The following SCAI variants were observed in gnomAD, a reference collection of about 807,000 sequenced individuals.
The protein encoded by SCAI is protein SCAI.
SCAI carries 24 observed loss-of-function variants against 92.2 expected under a neutral mutation model. The observed-to-expected ratio is 0.26, with a 90% CI of 0.19 to 0.37. SCAI has a LOEUF of 0.37. Among genes scored for constraint, SCAI ranks in the 10% least tolerant of loss-of-function variants. The pLI, the probability that SCAI is intolerant of heterozygous loss-of-function variation, is 1.00. For synonymous variants in SCAI, 261 were observed against 258.6 expected, an observed-to-expected ratio of 1.01 and a Z score of -0.09; for missense variants, 450 against 736.2, an observed-to-expected ratio of 0.61 and a Z score of 4.50.
At chr9:125,090,766 C>T (rs927936619) in intron 2 of SCAI, among the ~76,000 whole-genome samples, 2 of 152,158 alleles carry the variant, frequency 1.3e-5, no homozygotes, top group Non-Finnish European at 2.9e-5. Flanking sequence ...TGCCACCATG[C>T]TTGGCCTCAG....
chr9:125,042,854 C>T (rs1418956804), intron 3 of SCAI, among the ~76,000 whole-genome samples: 1 of 139,144 alleles, frequency 7.2e-6, no homozygotes, highest in African/African-American at 2.7e-5. Flanking sequence ...ATTCTGCTCC[C>T]TGGCTTTTTT....
chr9:125,016,969 A>T (rs915937383), intron 9 of SCAI, among the ~76,000 whole-genome samples: 31 of 152,328 alleles, frequency 2.0e-4, no homozygotes, highest in African/African-American at 7.0e-4. Context: ...ATGTTTAAAG[A>T]AAAGGAGAAA....
chr9:125,053,303 C>A (rs1833598812), intron 3 of SCAI, among the ~76,000 whole-genome samples: 1 of 152,072 alleles, frequency 6.6e-6, no homozygotes, highest in African/African-American at 2.4e-5. Context: ...CATTGCACTC[C>A]AGCCCGGACG....
rs1487369684 is a variant in SCAI, at chr9:124,946,333, T to C, written c.*6474A>G. On this transcript the variant is annotated 3_prime_UTR_variant, in exon 18 of 18. Transcript: ENST00000336505. The surrounding 1 kb of genome is among the most constrained non-coding windows in gnomAD (Gnocchi z 4.0). ...TTAATACTATAATTGAAAAGTCTTA[T>C]GAATAGTTGGCTGTTTTATTTAAAA... 2 of 152,220 alleles carry C rather than the reference T, an allele frequency of 1.3e-5. No individual in the cohort carries two copies. Among genetic ancestry groups the C allele is most frequent in the African/African-American group, 2.4e-5 (1 of 41,462 alleles). The allele number at this position is 152,220 out of a possible 1,614,324, so 9.4% of individuals were successfully genotyped here.
chr9:125,081,657 C>A (rs1834221470), intron 2 of SCAI, among the ~76,000 whole-genome samples: 1 of 152,184 alleles, frequency 6.6e-6, no homozygotes. Context: ...ACTGCAACCT[C>A]TGCCTCCCAA....
intron 17 of SCAI, among the ~76,000 whole-genome samples, chr9:124,969,107 T>C (rs893789701): frequency 6.6e-6 from 1 of 152,082 alleles, no homozygotes. Flanking sequence ...TACTCCTGGC[T>C]AATTTTAAAA....
chr9:125,032,187 A>AT (rs1251078533), intron 3 of SCAI, among the ~76,000 whole-genome samples: 6 of 79,804 alleles, frequency 7.5e-5, no homozygotes, highest in African/African-American at 3.6e-4. Context: ...ATATATATAT[A>AT]TATATATATT....
intron 2 of SCAI, among the ~76,000 whole-genome samples, chr9:125,086,894 T>C (rs553301266): frequency 1.3e-5 from 2 of 152,164 alleles, no homozygotes; most frequent in African/African-American, 2.4e-5. Context: ...AGGGTTATCA[T>C]GAAGATTAAG....
At chr9:125,120,685 T>G (rs1835139748) in intron 2 of SCAI, among the ~76,000 whole-genome samples, 1 of 151,604 alleles carries the variant, frequency 6.6e-6, no homozygotes, top group South Asian at 2.1e-4. Flanking sequence ...AGAACAAGAC[T>G]CCATCTCAAA....
chr9:124,966,969 A>AAAGCCTT (rs1831553947), intron 17 of SCAI, among the ~76,000 whole-genome samples: 1 of 151,762 alleles, frequency 6.6e-6, no homozygotes. Flanking sequence ...ACCCATTGGA[A>AAAGCCTT]AAGCCTTTGC....
chr9:125,039,015 G>A (rs1833258613), intron 3 of SCAI, among the ~76,000 whole-genome samples: 1 of 152,100 alleles, frequency 6.6e-6, no homozygotes, highest in South Asian at 2.1e-4. Context: ...TTTACTCATT[G>A]GTTTCATAGC....
chr9:125,037,637 G>A (rs542317860), intron 3 of SCAI, among the ~76,000 whole-genome samples: 34 of 152,120 alleles, frequency 2.2e-4, no homozygotes, highest in African/African-American at 6.7e-4. Context: ...TTTCTTGGCC[G>A]GGTACAGTGG....
intron 2 of SCAI, among the ~76,000 whole-genome samples, chr9:125,062,061 A>G (rs1215913877): frequency 6.6e-6 from 1 of 152,136 alleles, no homozygotes; most frequent in African/African-American, 2.4e-5. Flanking sequence ...TCCTTGCATT[A>G]TTCTGAAAGT....
intron 2 of SCAI, among the ~76,000 whole-genome samples, chr9:125,076,405 A>G (rs1834091211): frequency 6.6e-6 from 1 of 152,078 alleles, no homozygotes. Context: ...AGGCTGAGAT[A>G]GGAGAATCGC....
intron 9 of SCAI, among the ~76,000 whole-genome samples, chr9:125,005,348 A>G (rs1832481602): frequency 6.6e-6 from 1 of 151,886 alleles, no homozygotes; most frequent in African/African-American, 2.4e-5. Context: ...GTGTGTGTGT[A>G]TGTATGTGAG....
At chr9:125,089,585 C>T (rs1405650484) in intron 2 of SCAI, among the ~76,000 whole-genome samples, 4 of 152,178 alleles carry the variant, frequency 2.6e-5, no homozygotes, top group Admixed American at 6.5e-5. Flanking sequence ...CACTTCAGAC[C>T]TACAAAATCA....
chr9:125,114,603 A>C (rs1474423542), intron 2 of SCAI, among the ~76,000 whole-genome samples: 2 of 151,684 alleles, frequency 1.3e-5, no homozygotes, highest in African/African-American at 4.8e-5. Context: ...AACCTGAAGG[A>C]CCTTTTTTTT....
intron 9 of SCAI, among the ~76,000 whole-genome samples, chr9:125,013,199 TAG>T (rs1388882372): frequency 6.6e-6 from 1 of 150,952 alleles, no homozygotes; most frequent in Non-Finnish European, 1.5e-5. Context: ...CTGAAGGAAA[TAG>T]AGACACAAAA....
At position 125,036,125 on chromosome 9, in the gene SCAI, G is replaced by A. The variant is rs548948002; in HGVS notation, c.231-6386C>T. Among the ~76,000 whole-genome samples the A allele has an allele frequency of 4.6e-5, 7 of 151,940 alleles. No homozygotes were observed. In the South Asian group the frequency reaches 1.5e-3, roughly 32 times the overall value. On this transcript the variant is annotated intron_variant, in intron 3 of 17. Coordinates refer to ENST00000336505, the MANE Select transcript of SCAI (RefSeq NM_001144877.3). ...TCATTGCACCACTGCACTCCAGCCT[G>A]GGCAACAAAGGGAGCCCCTGTCTTA...
Sources: allele counts gnomAD v4.1 joint callset (sites outside exome capture counted in the v4.1 genomes callset), GRCh38; gene constraint gnomAD v4.1.1; non-coding constraint Gnocchi (gnomAD v3.1); transcripts MANE v1.5; gene names NCBI Gene and HGNC (gene_info 2026-07-23, HGNC 2026-07-21).